Variants in METTL2B observed in about 807,000 individuals in gnomAD.
METTL2B encodes tRNA N(3)-cytidine methyltransferase METTL2B.
In METTL2B, 28 loss-of-function variants were observed where a neutral mutation model predicts 51.0. The observed-to-expected ratio is 0.55, with a 90% CI of 0.41 to 0.75. The LOEUF (loss-of-function observed/expected upper bound fraction) is 0.75, where lower values mean the gene tolerates loss of function less well. Among genes scored for constraint, METTL2B ranks in the 30% least tolerant of loss-of-function variants. METTL2B has a pLI of 0.00. For missense variants in METTL2B, 313 were observed against 460.7 expected (o/e 0.68, Z 2.93); for synonymous variants, 128 against 166.3 (o/e 0.77, Z 1.77).
chr7:128,496,683 G>A (rs867022531), intron 6 of METTL2B, among the ~76,000 whole-genome samples: 13 of 152,328 alleles, frequency 8.5e-5, no homozygotes, highest in Middle Eastern at 6.8e-3. Context: ...CTACCTAGGA[G>A]ACTGAGGCAG....
chr7:128,483,695 C>G (rs1040611337), intron 4 of METTL2B, among the ~76,000 whole-genome samples: 3 of 152,002 alleles, frequency 2.0e-5, no homozygotes, highest in African/African-American at 7.3e-5. Context: ...GTGCCCACCA[C>G]CACGCCCAGC....
At chr7:128,490,643 G>A (rs1469440321) in intron 5 of METTL2B, among the ~76,000 whole-genome samples, 2 of 151,894 alleles carry the variant, frequency 1.3e-5, no homozygotes, top group African/African-American at 4.8e-5. Flanking sequence ...AGTTTTGCAC[G>A]TGGCCCCAAC....
rs1385532649 is a variant in METTL2B at position 128,502,222 on chromosome 7, C to T, written c.*306C>T. ...TATCAGGATTCTAACAATTATGCTT[C>T]ATATTTGTGAAGTCCTTTAAAACAT... On this transcript the variant is annotated 3_prime_UTR_variant, in exon 9 of 9. Coordinates refer to ENST00000262432, the MANE Select transcript of METTL2B (RefSeq NM_018396.3). 4.8e-5 allele frequency: 16 copies of T among 334,748 alleles called. No individual in the cohort carries two copies. Among genetic ancestry groups the T allele is most frequent in the Non-Finnish European group, 8.1e-5 (15 of 185,534 alleles). The allele number at this position is 334,748 out of a possible 1,614,324, so 20.7% of individuals were successfully genotyped here.
intron 7 of METTL2B, among the ~76,000 whole-genome samples, chr7:128,499,689 TTTTG>T (rs1251381017): frequency 6.8e-6 from 1 of 148,100 alleles, no homozygotes; most frequent in Admixed American, 7.0e-5. Context: ...TGGCTAATTT[TTTTG>T]TATTTTTAGT....
At chr7:128,486,195 A>G (rs141207475) in intron 4 of METTL2B, among the ~76,000 whole-genome samples, 2,082 of 151,346 alleles carry the variant, frequency 0.014, 51 homozygotes, top group African/African-American at 0.048. Context: ...TCAGGAAGCT[A>G]AGGCAGGAAA....
At chr7:128,492,315 C>A (rs906520726) in intron 5 of METTL2B, among the ~76,000 whole-genome samples, 1 of 151,812 alleles carries the variant, frequency 6.6e-6, no homozygotes, top group African/African-American at 2.4e-5. Flanking sequence ...TGCCACTGCA[C>A]CCAGCTAATT....
intron 5 of METTL2B, among the ~76,000 whole-genome samples, chr7:128,493,344 C>G (rs1792869290): frequency 6.6e-6 from 1 of 152,092 alleles, no homozygotes; most frequent in Non-Finnish European, 1.5e-5. Context: ...TCCCGAGTAG[C>G]TGGGATTATA....
rs1793058995 is a variant in METTL2B at position 128,503,001 on chromosome 7, G to A, written c.*1085G>A. ...TAAAAGAATTTGGCTGGGTGCGGTA[G>A]CTCATGCCTGTAATCCCAACACTTT... is the stretch of plus-strand genomic sequence containing the variant. On this transcript the variant is annotated 3_prime_UTR_variant, in exon 9 of 9. Transcript: ENST00000262432. The A allele has an allele frequency of 6.0e-6, 1 of 165,604 alleles. No individual in the cohort carries two copies. Among genetic ancestry groups the A allele is most frequent in the Admixed American group, 5.9e-5 (1 of 17,044 alleles). 10.3% of individuals were successfully genotyped at this position (165,604 alleles called of 1,614,324 possible).
At chr7:128,477,780 A>G (rs953187119) in intron 2 of METTL2B, among the ~76,000 whole-genome samples, 10 of 151,604 alleles carry the variant, frequency 6.6e-5, no homozygotes, top group African/African-American at 2.4e-4. Flanking sequence ...GTTCCAGACA[A>G]TTGAAGATAG....
intron 5 of METTL2B, among the ~76,000 whole-genome samples, chr7:128,490,213 G>T: frequency 6.6e-6 from 1 of 151,954 alleles, no homozygotes; most frequent in Non-Finnish European, 1.5e-5. Context: ...ACCGTAAGAA[G>T]CAACTCCTTA....
At chr7:128,498,911 C>T (rs549751326) in intron 7 of METTL2B, among the ~76,000 whole-genome samples, 3 of 151,512 alleles carry the variant, frequency 2.0e-5, no homozygotes, top group African/African-American at 4.8e-5. Context: ...GCAGGAGAAT[C>T]GCTTGAACCC....
At chr7:128,492,077 C>T (rs971258470) in intron 5 of METTL2B, among the ~76,000 whole-genome samples, 3 of 151,764 alleles carry the variant, frequency 2.0e-5, no homozygotes, top group Non-Finnish European at 2.9e-5. Context: ...AAGCTGACTG[C>T]AGCCTTGATC....
intron 2 of METTL2B, 132 bp downstream of exon 2, chr7:128,477,305 A>G (rs1489188733): frequency 1.7e-6 from 2 of 1,208,068 alleles, no homozygotes; most frequent in East Asian, 5.0e-5. Flanking sequence ...GGAGTAGAGC[A>G]GGACAGGGAG....
rs1275149315 is a variant in METTL2B, at chr7:128,493,836, T to G, written c.702T>G (p.Phe234Leu). ...TNSEYDPSRC[F>L]AFVHDLCDEE... ...CAGAATATGATCCTTCTCGGTGTTT[T>G]GCCTTTGTTCACGACCTGTGTGATG... The change falls in exon 6 of 9, where the codon TTT becomes TTG. Residue 234 changes from phenylalanine to leucine, a missense_variant. By Grantham distance (22) the Phe-to-Leu change is conservative. This residue lies in a region of METTL2B where 138 missense variants were observed against 187.6 expected (regional missense o/e 0.74). Coordinates refer to ENST00000262432, the MANE Select transcript of METTL2B (RefSeq NM_018396.3). 3 of 1,610,208 alleles carry G rather than the reference T, an allele frequency of 1.9e-6. No individual in the cohort carries two copies. The highest frequency in any genetic ancestry group is 2.5e-6 in the Non-Finnish European group (3 of 1,179,104).
chr7:128,484,858 G>A (rs1251502475), intron 4 of METTL2B, among the ~76,000 whole-genome samples: 2 of 152,142 alleles, frequency 1.3e-5, no homozygotes, highest in Admixed American at 6.6e-5. Context: ...TGGGATTACA[G>A]GCGTGAGCCA....
At position 128,502,000 on chromosome 7, in the gene METTL2B, A is replaced by G. The variant is rs1793039489; in HGVS notation, c.*84A>G. The stretch of plus-strand genomic sequence containing the variant: ...AAATTTGTAGCACCGGGCATGGTGC[A>G]TGCCTGTAATCCCAGCCACTCAGGA... On this transcript the variant is annotated 3_prime_UTR_variant, in exon 9 of 9. Transcript: ENST00000262432. 6.4e-7 allele frequency: 1 copy of G among 1,567,792 alleles called. No individual in the cohort carries two copies. The highest frequency in any genetic ancestry group is 8.7e-7 in the Non-Finnish European group (1 of 1,152,516).
intron 4 of METTL2B, among the ~76,000 whole-genome samples, chr7:128,486,783 G>A (rs1792727222): frequency 6.6e-6 from 1 of 152,124 alleles, no homozygotes; most frequent in South Asian, 2.1e-4. Context: ...AAATTAGCTG[G>A]GTGTGGTGGT....
chr7:128,505,161 G>A lies in METTL2B; in HGVS notation c.*3245G>A, dbSNP rs1231533234. The A allele has an allele frequency of 6.6e-6, 1 of 150,510 alleles. No individual in the cohort carries two copies. The highest frequency in any genetic ancestry group is 1.5e-5 in the Non-Finnish European group (1 of 68,046). 9.3% of individuals were successfully genotyped at this position (150,510 alleles called of 1,614,324 possible). A position where few individuals can be genotyped will look rare whatever the true frequency, so the allele number is the denominator to read the frequency against. On this transcript the variant is annotated 3_prime_UTR_variant, in exon 9 of 9. Coordinates refer to ENST00000262432, the MANE Select transcript of METTL2B (RefSeq NM_018396.3). ...TGGGCGCCTGTAATCCCAGCTATCTGGGAGGCTGAGTCTAGAGAATCATTT... is the reference window on the plus strand; with the variant it reads ...TGGGCGCCTGTAATCCCAGCTATCTAGGAGGCTGAGTCTAGAGAATCATTT...
rs372947759 is a variant in METTL2B, at chr7:128,479,274, C to G, written c.319C>G (p.Gln107Glu). The G allele has an allele frequency of 7.4e-6, 12 of 1,614,044 alleles. No individual in the cohort carries two copies. The highest frequency in any genetic ancestry group is 1.0e-5 in the Non-Finnish European group (12 of 1,180,046). Reference protein sequence around the residue: ...FTEFPELAPSQNQNHLKDWFL... With the variant: ...FTEFPELAPSENQNHLKDWFL... ...CGAATTCCCTGAGCTGGCACCTAGC[C>G]AAAATCAAAATCATTTGAAGGATTG... The change falls in exon 3 of 9, where the codon CAA (glutamine) becomes GAA (glutamate). Residue 107 changes from glutamine to glutamate, a missense_variant. Gln to Glu is a conservative substitution (Grantham distance 29, BLOSUM62 2). This residue lies in a region of METTL2B where 67 missense variants were observed against 101.4 expected (regional missense o/e 0.66). Coordinates refer to ENST00000262432, the MANE Select transcript of METTL2B (RefSeq NM_018396.3).
Sources: gnomAD v4.1 joint callset for allele counts (sites outside exome capture counted in the v4.1 genomes callset) on GRCh38, gnomAD v4.1.1 for gene constraint, gnomAD v4.1.1 regional missense constraint, MANE v1.5 for transcripts, NCBI Gene and HGNC (gene_info 2026-07-23, HGNC 2026-07-21) for gene names.